KCNMA1: variants seen among roughly 807,000 people sequenced by gnomAD.
The protein encoded by KCNMA1 is potassium calcium-activated channel subfamily M alpha 1, also known as Calcium-activated potassium channel subunit alpha-1.
A neutral mutation model predicts 140.0 loss-of-function variants in KCNMA1; 29 were observed. The observed-to-expected ratio is 0.21, with a 90% confidence interval of 0.15 to 0.28. KCNMA1 has a LOEUF of 0.28. Ranked by LOEUF, KCNMA1 falls within the 10% of genes least tolerant of loss-of-function variation. The pLI, the probability that KCNMA1 is intolerant of heterozygous loss-of-function variation, is 1.00. For missense variants in KCNMA1, 880 were observed against 1,602.2 expected, an observed-to-expected ratio of 0.55 and a Z score of 7.70; for synonymous variants, 612 against 611.9, an observed-to-expected ratio of 1.00 and a Z score of 0.00.
At chr10:77,126,717 A>ACCCCCCACCC (rs2097744406) in intron 5 of KCNMA1, among the ~76,000 whole-genome samples, 1 of 68,418 alleles carries the variant, frequency 1.5e-5, no homozygotes, top group African/African-American at 5.3e-5. Context: ...GGTGCCCCCC[A>ACCCCCCACCC]CCCCCCCACC....
intron 12 of KCNMA1, among the ~76,000 whole-genome samples, chr10:77,080,860 T>C (rs1435587891): frequency 1.3e-5 from 2 of 152,230 alleles, no homozygotes. Flanking sequence ...CAAATGGTTC[T>C]AATTGTGACA....
At chr10:77,025,209 AT>A (rs1422004548) in intron 16 of KCNMA1, among the ~76,000 whole-genome samples, 1 of 136,560 alleles carries the variant, frequency 7.3e-6, no homozygotes, top group African/African-American at 2.7e-5. Context: ...GCTACTTCCA[AT>A]TTATGTACTC....
At chr10:77,471,880 CACAT>C (rs1160372031) in intron 1 of KCNMA1, among the ~76,000 whole-genome samples, 13 of 151,620 alleles carry the variant, frequency 8.6e-5, no homozygotes, top group African/African-American at 4.9e-5. Flanking sequence ...TATATACACA[CACAT>C]AAACATACAA....
chr10:77,211,860 A>T (rs1282377286), intron 3 of KCNMA1, among the ~76,000 whole-genome samples: 1 of 152,312 alleles, frequency 6.6e-6, no homozygotes, highest in East Asian at 1.9e-4. Context: ...CATCATCACT[A>T]ATCGTCAGAG....
intron 25 of KCNMA1, among the ~76,000 whole-genome samples, chr10:76,897,799 T>A (rs1459488587): frequency 6.6e-6 from 1 of 152,018 alleles, no homozygotes; most frequent in African/African-American, 2.4e-5. Context: ...TTGCTAAAAT[T>A]ATGTTTTAAA....
At chr10:77,301,180 T>A (rs1302598201) in intron 2 of KCNMA1, among the ~76,000 whole-genome samples, 3 of 152,194 alleles carry the variant, frequency 2.0e-5, no homozygotes, top group Non-Finnish European at 4.4e-5. Context: ...CCTCAGGCAG[T>A]GTCTTTGTTG....
At chr10:77,631,106 C>CAAA (rs397944676) in intron 1 of KCNMA1, among the ~76,000 whole-genome samples, 64 of 61,136 alleles carry the variant, frequency 1.0e-3, no homozygotes, top group African/African-American at 2.2e-3. Flanking sequence ...GACCCTGTCC[C>CAAA]AAAAAAAAAA....
At chr10:77,022,811 C>G (rs1565598581) in intron 16 of KCNMA1, 1 of 233,460 alleles carries the variant, frequency 4.3e-6, no homozygotes, top group Non-Finnish European at 9.1e-6. Flanking sequence ...CAATTCTCAT[C>G]AGTCAGGCCG....
At chr10:77,238,018 C>T (rs541600305) in intron 3 of KCNMA1, among the ~76,000 whole-genome samples, 1 of 152,308 alleles carries the variant, frequency 6.6e-6, no homozygotes, top group South Asian at 2.1e-4. Flanking sequence ...CACTGCCTCG[C>T]CTTCCCTGCA....
chr10:77,117,539 C>CAAAAA (rs56926398), intron 6 of KCNMA1, among the ~76,000 whole-genome samples: 330 of 22,008 alleles, frequency 0.015, no homozygotes, highest in Middle Eastern at 0.1. Context: ...GAGTCTATCT[C>CAAAAA]AAAAAAAAAA....
chr10:77,418,218 G>A (rs921650076), intron 1 of KCNMA1, among the ~76,000 whole-genome samples: 2 of 152,014 alleles, frequency 1.3e-5, no homozygotes, highest in South Asian at 2.1e-4. Context: ...TTTCCTTCTC[G>A]ATCCCTAATG....
chr10:77,248,760 T>C (rs920500408), intron 3 of KCNMA1, among the ~76,000 whole-genome samples: 20 of 152,192 alleles, frequency 1.3e-4, no homozygotes, highest in Non-Finnish European at 4.4e-5. Flanking sequence ...AATTTTTTAA[T>C]AGGTTTCACT....
intron 2 of KCNMA1, among the ~76,000 whole-genome samples, chr10:77,382,872 A>AAG (rs1348582961): frequency 1.8e-5 from 2 of 112,852 alleles, no homozygotes; most frequent in Non-Finnish European, 3.9e-5. Flanking sequence ...TCTCAAAAAA[A>AAG]AAAAAAAAAA....
intron 2 of KCNMA1, among the ~76,000 whole-genome samples, chr10:77,388,141 T>C (rs115509315): frequency 0.015 from 2,221 of 152,330 alleles, 49 homozygotes; most frequent in African/African-American, 0.05. Flanking sequence ...ATTATAGACA[T>C]CCTTAACTAA....
intron 5 of KCNMA1, among the ~76,000 whole-genome samples, chr10:77,167,289 C>T (rs1281367764): frequency 2.6e-5 from 4 of 152,144 alleles, no homozygotes. Context: ...ATCCACGGTG[C>T]CACAAATGAC....
intron 1 of KCNMA1, among the ~76,000 whole-genome samples, chr10:77,599,494 T>C (rs1482620305): frequency 6.6e-6 from 1 of 152,148 alleles, no homozygotes; most frequent in Non-Finnish European, 1.5e-5. Context: ...GGGTGCAAGG[T>C]TGAATAAGAG....
At chr10:77,223,580 C>G (rs1159096095) in intron 3 of KCNMA1, among the ~76,000 whole-genome samples, 2 of 152,188 alleles carry the variant, frequency 1.3e-5, no homozygotes, top group Non-Finnish European at 2.9e-5. Context: ...ACAGAAAACT[C>G]AGAAGCCGGG....
chr10:77,625,691 T>A lies in KCNMA1; in HGVS notation c.378+11574A>T, dbSNP rs576433402. Among the ~76,000 whole-genome samples the A allele has an allele frequency of 2.6e-5, 4 of 152,310 alleles. No homozygotes were observed. In the South Asian group the frequency reaches 8.3e-4, roughly 32 times the overall value. On this transcript the variant is annotated intron_variant, in intron 1 of 27. Transcript: ENST00000286628. ...CACGTGTCAGACTTGCCTTCCTTTT[T>A]AAAGTTGAATAATACTCTGTTGTAT...
At chr10:76,985,682 A>G (rs1461336280) in intron 19 of KCNMA1, among the ~76,000 whole-genome samples, 1 of 152,244 alleles carries the variant, frequency 6.6e-6, no homozygotes, top group Non-Finnish European at 1.5e-5. Context: ...GGAACACAAT[A>G]AAAAGCAGAA....
Sources: gnomAD v4.1 joint callset for allele counts (sites outside exome capture counted in the v4.1 genomes callset) on GRCh38, gnomAD v4.1.1 for gene constraint, MANE v1.5 for transcripts, NCBI Gene and HGNC (gene_info 2026-07-23, HGNC 2026-07-21) for gene names.